The following TBCD variants were observed in gnomAD, a reference collection of about 807,000 sequenced individuals.
The protein encoded by TBCD is tubulin-specific chaperone D.
In TBCD, 105 loss-of-function variants were observed where a neutral mutation model predicts 169.3. The ratio of observed to expected loss-of-function variants is 0.62; its 90% CI spans 0.53 to 0.73. TBCD has a LOEUF of 0.73. Ranked by LOEUF, TBCD falls within the 30% of genes least tolerant of loss-of-function variation. The pLI, the probability that TBCD is intolerant of heterozygous loss-of-function variation, is 0.00. For missense variants in TBCD, 1,444 were observed against 1,600.1 expected, an observed-to-expected ratio of 0.90 and a Z score of 1.66; for synonymous variants, 700 against 643.9, an observed-to-expected ratio of 1.09 and a Z score of -1.32.
intron 5 of TBCD, among the ~76,000 whole-genome samples, 155 bp from the exon 6 acceptor site, chr17:82,772,296 GT>G (rs904299766): frequency 6.6e-6 from 1 of 151,456 alleles, no homozygotes; most frequent in Non-Finnish European, 1.5e-5. Flanking sequence ...TTGAAGAGAG[GT>G]TTTTTTTTGC....
chr17:82,801,564 G>C (rs1364124363), intron 9 of TBCD, among the ~76,000 whole-genome samples: 3 of 139,682 alleles, frequency 2.1e-5, no homozygotes, highest in African/African-American at 8.2e-5. Context: ...CAGGAGGCTG[G>C]CGTGTGCGTC....
intron 4 of TBCD, among the ~76,000 whole-genome samples, chr17:82,766,581 T>TA (rs945486165): frequency 1.3e-5 from 2 of 152,082 alleles, no homozygotes; most frequent in African/African-American, 2.4e-5. Context: ...AGCCCCTTTA[T>TA]AAAAAAAATT....
chr17:82,938,278 A>G, intron 36 of TBCD, 142 bp downstream of exon 36: 1 of 937,008 alleles, frequency 1.1e-6, no homozygotes, highest in Non-Finnish European at 1.6e-6. Flanking sequence ...ACGACGCGTC[A>G]CAGGCACGCG....
Position 82,942,566 on chromosome 17 carries a change from G to A in TBCD, c.*103G>A, listed in dbSNP as rs758258453. 2 of 1,530,306 alleles carry A rather than the reference G, an allele frequency of 1.3e-6. No individual in the cohort carries two copies. Among genetic ancestry groups the A allele is most frequent in the Non-Finnish European group, 1.8e-6 (2 of 1,110,004 alleles). 94.8% of individuals were successfully genotyped at this position (1,530,306 alleles called of 1,614,324 possible). On this transcript the variant is annotated 3_prime_UTR_variant, in exon 39 of 39. Coordinates refer to ENST00000355528, the MANE Select transcript of TBCD (RefSeq NM_005993.5). ...TCGCACAGTGGTGCCTCCAGCTGTT[G>A]AAGGGTAGCGCTGGCCCTTGGAGGC...
intron 13 of TBCD, among the ~76,000 whole-genome samples, chr17:82,862,172 T>G (rs2056826913): frequency 6.6e-6 from 1 of 152,234 alleles, no homozygotes; most frequent in Non-Finnish European, 1.5e-5. Flanking sequence ...TCTGCCCGCC[T>G]CAGCCTCCCA....
intron 13 of TBCD, chr17:82,865,590 G>A (rs2057115527): frequency 2.0e-6 from 2 of 976,248 alleles, no homozygotes; most frequent in South Asian, 4.7e-5. Flanking sequence ...GCCGAAATGG[G>A]AAGGCCTGAC....
rs865948770 is a variant in TBCD, at chr17:82,940,241, A to G, written c.3479+765A>G. On this transcript the variant is annotated intron_variant, in intron 37 of 38. Transcript: ENST00000355528. ...CGCGCGCACACACACACACACACACACACACTTCTAAAAGGGGAGCAGTCT... is the reference window on the plus strand; with the variant it reads ...CGCGCGCACACACACACACACACACGCACACTTCTAAAAGGGGAGCAGTCT... Among the ~76,000 whole-genome samples the G allele has an allele frequency of 2.6e-5, 4 of 151,174 alleles. No individual in the cohort carries two copies. The South Asian group carries it at 8.4e-4, about 32-fold the overall frequency.
intron 6 of TBCD, among the ~76,000 whole-genome samples, chr17:82,780,370 G>A (rs1013996352): frequency 6.6e-6 from 1 of 152,138 alleles, no homozygotes; most frequent in African/African-American, 2.4e-5. Context: ...TGGGAGGGAA[G>A]GGCCTTGTCT....
intron 6 of TBCD, among the ~76,000 whole-genome samples, chr17:82,780,824 T>C (rs1265783347): frequency 6.6e-6 from 1 of 151,772 alleles, no homozygotes. Context: ...TTTTGTGTAT[T>C]TTTAATAGCG....
chr17:82,924,921 C>T lies in TBCD; in HGVS notation c.2261-18C>T, dbSNP rs2061628357. The T allele has an allele frequency of 6.5e-7, 1 of 1,549,910 alleles. No individual in the cohort carries two copies. The highest frequency in any genetic ancestry group is 1.2e-5 in the South Asian group (1 of 83,978). On this transcript the variant is annotated intron_variant, in intron 26 of 38. Coordinates refer to ENST00000355528, the MANE Select transcript of TBCD (RefSeq NM_005993.5). ...GGGCAGCAGAGGGCCTCTCTTCACA[C>T]TCGTTGCTTCCTTTCAGAGGAGCTG...
At chr17:82,795,956 C>T (rs935760655) in intron 7 of TBCD, 3 of 152,328 alleles carry the variant, frequency 2.0e-5, no homozygotes, top group African/African-American at 4.8e-5. Flanking sequence ...CTCCTGCCTG[C>T]CTCTGTTGGT....
intron 13 of TBCD, among the ~76,000 whole-genome samples, chr17:82,825,178 C>T (rs2052734362): frequency 6.6e-6 from 1 of 152,160 alleles, no homozygotes; most frequent in Non-Finnish European, 1.5e-5. Context: ...GGATGCTCTG[C>T]CCCTGCTTCT....
chr17:82,839,688 A>G (rs1039702324), intron 13 of TBCD, among the ~76,000 whole-genome samples: 1 of 152,208 alleles, frequency 6.6e-6, no homozygotes, highest in Non-Finnish European at 1.5e-5. Flanking sequence ...CAGAACAAGG[A>G]GTTAATTTCC....
intron 13 of TBCD, among the ~76,000 whole-genome samples, chr17:82,845,721 A>G (rs115310181): frequency 0.027 from 4,141 of 152,062 alleles, 211 homozygotes; most frequent in African/African-American, 0.093. Flanking sequence ...TGGCTCTTCC[A>G]TCTTCACCCT....
intron 7 of TBCD, among the ~76,000 whole-genome samples, chr17:82,783,835 T>C (rs2049114760): frequency 6.6e-6 from 1 of 151,972 alleles, no homozygotes; most frequent in Non-Finnish European, 1.5e-5. Context: ...TTAAACTTAA[T>C]GCTTTCAGGC....
At chr17:82,815,862 C>G (rs1190006963) in intron 13 of TBCD, among the ~76,000 whole-genome samples, 1 of 152,122 alleles carries the variant, frequency 6.6e-6, no homozygotes, top group Non-Finnish European at 1.5e-5. Context: ...TTTAATGTCT[C>G]TGCTTATTTT....
intron 22 of TBCD, among the ~76,000 whole-genome samples, chr17:82,910,350 G>GT (rs958986889): frequency 2.6e-5 from 4 of 152,152 alleles, no homozygotes; most frequent in African/African-American, 4.8e-5. Context: ...AGGGCTCCTG[G>GT]TGCTGAGCCT....
chr17:82,926,782 G>C, intron 28 of TBCD: 1 of 543,608 alleles, frequency 1.8e-6, no homozygotes, highest in Non-Finnish European at 3.3e-6. Context: ...CCAGTGTTTG[G>C]AATGATCTCT....
In TBCD at chr17:82,758,400, A is replaced by AAAAAAAAAAT. The variant is rs1035939621; in HGVS notation, c.235+2188_235+2189insAAAAAATAAA. Among the ~76,000 whole-genome samples the AAAAAAAAAAT allele has an allele frequency of 1.3e-3, 131 of 99,890 alleles. 1 individual carries two copies. Among genetic ancestry groups the AAAAAAAAAAT allele is most frequent in the African/African-American group, 1.4e-3 (39 of 27,484 alleles). 65.5% of individuals were successfully genotyped at this position (99,890 alleles called of 152,430 possible). ...AACGTCTCGGAAAAAAAAAAAAAAAAAAATAAATAAATAAATAAATTTTTT... is the reference window on the plus strand; with the variant it reads ...AACGTCTCGGAAAAAAAAAAAAAAAAAAAAAAAAATAAATAAATAAATAAATAAATTTTTT... On this transcript the variant is annotated intron_variant, in intron 2 of 38. Transcript: ENST00000355528.
Sources: gnomAD v4.1 joint callset for allele counts (sites outside exome capture counted in the v4.1 genomes callset) on GRCh38, gnomAD v4.1.1 for gene constraint, MANE v1.5 for transcripts, NCBI Gene and HGNC (gene_info 2026-07-23, HGNC 2026-07-21) for gene names.